The following SNTB1 variants were observed in gnomAD, a reference collection of about 807,000 sequenced individuals.
SNTB1 encodes the protein syntrophin beta 1.
In SNTB1, 36 loss-of-function variants were observed where a neutral mutation model predicts 48.9. The ratio of observed to expected loss-of-function variants is 0.74; its 90% CI spans 0.56 to 0.97. The LOEUF is 0.97. Ranked by LOEUF, SNTB1 falls within the 50% of genes least tolerant of loss-of-function variation. The probability of loss-of-function intolerance (pLI) is 0.00; values close to 1 mark genes in which losing one functional copy is unlikely to be tolerated. For synonymous variants in SNTB1, 299 were observed against 294.6 expected, an observed-to-expected ratio of 1.01 and a Z score of -0.15; for missense variants, 786 against 703.4, an observed-to-expected ratio of 1.12 and a Z score of -1.33.
At chr8:120,546,623 C>A (rs946821287) in intron 5 of SNTB1, among the ~76,000 whole-genome samples, 4 of 152,074 alleles carry the variant, frequency 2.6e-5, no homozygotes. Flanking sequence ...GCACATGCCA[C>A]GGCACCTGGC....
At chr8:120,575,530 G>A (rs138912837) in intron 3 of SNTB1, among the ~76,000 whole-genome samples, 1,654 of 152,322 alleles carry the variant, frequency 0.011, 28 homozygotes, top group South Asian at 0.065. Context: ...GGAGGCAAAT[G>A]CCTGGGGGAA....
chr8:120,757,784 C>G (rs1354880558), intron 1 of SNTB1, among the ~76,000 whole-genome samples: 1 of 152,142 alleles, frequency 6.6e-6, no homozygotes, highest in Non-Finnish European at 1.5e-5. Context: ...TTAAGCTAAT[C>G]AGATTTCTCC....
intron 1 of SNTB1, among the ~76,000 whole-genome samples, chr8:120,709,944 T>C (rs969235353): frequency 3.3e-5 from 5 of 151,518 alleles, no homozygotes; most frequent in African/African-American, 1.2e-4. Context: ...TAAATAGTAG[T>C]TCCCTTTACC....
rs577799816 is a variant in SNTB1, at chr8:120,545,159, C to T, written c.1334-3159G>A. On this transcript the variant is annotated intron_variant, in intron 5 of 6. Transcript: ENST00000517992. Reference sequence around the variant, plus strand: ...AGGCGTTTGAGACCAGCGTGACCAACACGGTGAAACCCCATCTCTACTAAA... The same window carrying T: ...AGGCGTTTGAGACCAGCGTGACCAATACGGTGAAACCCCATCTCTACTAAA... Among the ~76,000 whole-genome samples, 3 of 152,188 alleles carry T rather than the reference C, an allele frequency of 2.0e-5. No individual in the cohort carries two copies. In the East Asian group the frequency reaches 5.8e-4, roughly 29 times the overall value.
intron 3 of SNTB1, among the ~76,000 whole-genome samples, chr8:120,600,850 C>A (rs938846544): frequency 1.3e-5 from 2 of 151,720 alleles, no homozygotes; most frequent in Non-Finnish European, 2.9e-5. Context: ...AGACACAGGG[C>A]AGGGCCATCC....
At chr8:120,659,022 G>A (rs1039396049) in intron 2 of SNTB1, among the ~76,000 whole-genome samples, 1 of 150,488 alleles carries the variant, frequency 6.6e-6, no homozygotes, top group Non-Finnish European at 1.5e-5. Flanking sequence ...GGATTACAGT[G>A]GCCCTATCTT....
At chr8:120,711,737 C>G (rs1194929601) in intron 1 of SNTB1, among the ~76,000 whole-genome samples, 2 of 152,232 alleles carry the variant, frequency 1.3e-5, no homozygotes, top group African/African-American at 4.8e-5. Context: ...TTCAAGCAGG[C>G]TCTGAGGACC....
chr8:120,555,528 C>T (rs563818197), intron 4 of SNTB1, among the ~76,000 whole-genome samples: 179 of 152,308 alleles, frequency 1.2e-3, no homozygotes, highest in Non-Finnish European at 2.3e-3. Flanking sequence ...GAGCCGCCAT[C>T]TTGAAAATGT....
chr8:120,610,700 C>T (rs375662110), intron 3 of SNTB1, among the ~76,000 whole-genome samples: 40 of 152,288 alleles, frequency 2.6e-4, no homozygotes, highest in African/African-American at 9.4e-4. Context: ...TTTTATACTT[C>T]GGCCTACTTC....
In SNTB1 at chr8:120,551,789, T is replaced by C. The variant is rs1021393209; in HGVS notation, c.1137-2831A>G. Among the ~76,000 whole-genome samples the C allele has an allele frequency of 1.9e-4, 28 of 150,988 alleles. No individual in the cohort carries two copies. In the South Asian group the frequency reaches 4.4e-3, roughly 24 times the overall value. On this transcript the variant is annotated intron_variant, in intron 4 of 6. Transcript: ENST00000517992. ...TGAAGATTAAACAACCAATGCACTG[T>C]ACCTATCACAGAAACTAGCATATGG...
intron 5 of SNTB1, among the ~76,000 whole-genome samples, chr8:120,543,551 T>C (rs527797864): frequency 8.5e-5 from 13 of 152,198 alleles, no homozygotes; most frequent in Admixed American, 7.8e-4. Flanking sequence ...AAATTCAAAT[T>C]CTTTCCACTC....
intron 1 of SNTB1, among the ~76,000 whole-genome samples, chr8:120,726,756 C>T (rs1009737522): frequency 4.6e-5 from 7 of 152,130 alleles, no homozygotes; most frequent in Admixed American, 2.0e-4. Context: ...TGGTTGTAAT[C>T]GACACTGAAC....
intron 1 of SNTB1, among the ~76,000 whole-genome samples, chr8:120,794,256 T>C (rs1820084729): frequency 1.3e-5 from 2 of 152,022 alleles, no homozygotes; most frequent in South Asian, 4.1e-4. Flanking sequence ...ACTGAAATTT[T>C]TTTAAGTGTA....
intron 3 of SNTB1, among the ~76,000 whole-genome samples, chr8:120,592,723 T>C (rs1020059127): frequency 6.6e-6 from 1 of 152,020 alleles, no homozygotes; most frequent in African/African-American, 2.4e-5. Context: ...AAGAAATATA[T>C]CATAAATGGT....
At chr8:120,791,154 C>T (rs1047214304) in intron 1 of SNTB1, among the ~76,000 whole-genome samples, 3 of 151,712 alleles carry the variant, frequency 2.0e-5, no homozygotes, top group African/African-American at 7.2e-5. Context: ...TAAATAAAGT[C>T]AAATACAACC....
chr8:120,783,677 C>T (rs1432254268), intron 1 of SNTB1, among the ~76,000 whole-genome samples: 1 of 152,196 alleles, frequency 6.6e-6, no homozygotes, highest in South Asian at 2.1e-4. Context: ...CTCTGTCCAA[C>T]TTCAAGGGCA....
At chr8:120,598,922 TATAAAG>T (rs1197139798) in intron 3 of SNTB1, among the ~76,000 whole-genome samples, 1 of 152,142 alleles carries the variant, frequency 6.6e-6, no homozygotes, top group Non-Finnish European at 1.5e-5. Flanking sequence ...GCCTCCCTCT[TATAAAG>T]ATACATGTGG....
intron 1 of SNTB1, among the ~76,000 whole-genome samples, chr8:120,741,149 T>G (rs939411215): frequency 1.3e-5 from 2 of 152,206 alleles, no homozygotes; most frequent in Non-Finnish European, 2.9e-5. Context: ...CTCTCTTCCT[T>G]TTGGATGAGA....
rs534721588 is a variant in SNTB1 at position 120,799,581 on chromosome 8, G to GA, written c.571+11691dup. Among the ~76,000 whole-genome samples the GA allele has an allele frequency of 4.1e-3, 604 of 148,618 alleles. 1 individual carries two copies. Among genetic ancestry groups the GA allele is most frequent in the South Asian group, 0.018 (84 of 4,686 alleles). On this transcript the variant is annotated intron_variant, in intron 1 of 6. Transcript: ENST00000517992. Reference sequence around the variant, plus strand: ...ACATAAAAATCTAGTTCTCCAGAATGAAAAAAAAATGAATAAAAATGAAGG... The same window carrying GA: ...ACATAAAAATCTAGTTCTCCAGAATGAAAAAAAAAATGAATAAAAATGAAGG...
Sources: allele counts gnomAD v4.1 joint callset (sites outside exome capture counted in the v4.1 genomes callset), GRCh38; gene constraint gnomAD v4.1.1; transcripts MANE v1.5; gene names NCBI Gene and HGNC (gene_info 2026-07-23, HGNC 2026-07-21).